MANBA: variants seen among roughly 807,000 people sequenced by gnomAD.
The protein encoded by MANBA is beta-mannosidase.
MANBA carries 83 observed loss-of-function variants against 111.1 expected under a neutral mutation model. The observed-to-expected ratio is 0.75, with a 90% CI of 0.63 to 0.90. The LOEUF is 0.90. Among genes scored for constraint, MANBA ranks in the 40% least tolerant of loss-of-function variants. The probability of loss-of-function intolerance (pLI) is 0.00; values close to 1 mark genes in which losing one functional copy is unlikely to be tolerated. For synonymous variants in MANBA, 370 were observed against 378.7 expected, an observed-to-expected ratio of 0.98 and a Z score of 0.27; for missense variants, 1,036 against 1,069.0, an observed-to-expected ratio of 0.97 and a Z score of 0.43.
chr4:102,694,899 T>C (rs1359602331), intron 5 of MANBA, among the ~76,000 whole-genome samples: 2 of 152,134 alleles, frequency 1.3e-5, no homozygotes, highest in East Asian at 1.9e-4. Flanking sequence ...GAAGAGATTA[T>C]GTTCTACAGT....
chr4:102,657,221 G>GT (rs374501863), intron 12 of MANBA, among the ~76,000 whole-genome samples: 3,795 of 97,016 alleles, frequency 0.039, 262 homozygotes, highest in African/African-American at 0.093. Flanking sequence ...GAGGAGTGGG[G>GT]TGGGGGGGGG....
intron 1 of MANBA, among the ~76,000 whole-genome samples, chr4:102,748,461 G>C (rs1723664680): frequency 6.6e-6 from 1 of 152,010 alleles, no homozygotes; most frequent in Non-Finnish European, 1.5e-5. Flanking sequence ...AATCATCTGT[G>C]GGGGGAAAAT....
chr4:102,737,453 A>T (rs1199277279), intron 1 of MANBA, among the ~76,000 whole-genome samples: 1 of 150,378 alleles, frequency 6.6e-6, no homozygotes, highest in African/African-American at 2.4e-5. Context: ...GCTTCATGGA[A>T]GATGGGTAAG....
chr4:102,714,479 T>G lies in MANBA; in HGVS notation c.632A>C (p.Asn211Thr). Residue 211 changes from asparagine to threonine, a missense_variant, in exon 5 of 17, where the codon AAT becomes ACT. Coordinates refer to ENST00000647097, the MANE Select transcript of MANBA (RefSeq NM_005908.4). The stretch of plus-strand genomic sequence containing the variant: ...TGTGAAGTAGTTCAGGTGACAAATA[T>G]TATAGGCTTCAATTCTAACATCTTT... Reference protein sequence around the residue: ...IWKDVRIEAYNICHLNYFTFS... With the variant: ...IWKDVRIEAYTICHLNYFTFS... 6.2e-7 allele frequency: 1 copy of G among 1,605,764 alleles called. No individual in the cohort carries two copies. The highest frequency in any genetic ancestry group is 8.5e-7 in the Non-Finnish European group (1 of 1,172,466).
intron 7 of MANBA, among the ~76,000 whole-genome samples, chr4:102,683,049 T>G (rs1299465790): frequency 6.6e-6 from 1 of 152,140 alleles, no homozygotes; most frequent in East Asian, 1.9e-4. Flanking sequence ...ACTTTTAAGG[T>G]CTTTAGAGAG....
intron 5 of MANBA, among the ~76,000 whole-genome samples, chr4:102,710,465 C>T (rs190010320): frequency 6.6e-6 from 1 of 151,966 alleles, no homozygotes. Flanking sequence ...GGTGAAAGAC[C>T]TCTACAAGGA....
chr4:102,636,097 G>T (rs114439796), intron 14 of MANBA, 90 bp from the exon 15 acceptor site: 11,676 of 1,156,656 alleles, frequency 0.01, 132 homozygotes, highest in African/African-American at 0.038. Flanking sequence ...GCTCATCGGG[G>T]TTCTAAGGGA....
At chr4:102,644,638 C>T (rs1730021774) in intron 13 of MANBA, among the ~76,000 whole-genome samples, 1 of 151,878 alleles carries the variant, frequency 6.6e-6, no homozygotes, top group Non-Finnish European at 1.5e-5. Context: ...CAAGGAGATG[C>T]TGGTCAATGA....
intron 1 of MANBA, chr4:102,729,508 T>C (rs1722947956): frequency 7.3e-6 from 7 of 955,312 alleles, no homozygotes; most frequent in South Asian, 2.7e-5. Flanking sequence ...CTTGAGGAAA[T>C]TGATCTCGTC....
chr4:102,726,827 C>T, intron 1 of MANBA, 144 bp from the exon 2 acceptor site: 1 of 617,544 alleles, frequency 1.6e-6, no homozygotes, highest in Non-Finnish European at 2.8e-6. Flanking sequence ...AAAGAGGGGA[C>T]AGATCGTTAA....
At chr4:102,757,372 A>G (rs1283084787) in intron 1 of MANBA, among the ~76,000 whole-genome samples, 4 of 152,172 alleles carry the variant, frequency 2.6e-5, no homozygotes, top group Non-Finnish European at 5.9e-5. Context: ...CTTTTCACAG[A>G]GAACCCAAAA....
chr4:102,652,880 G>A (rs1367463134), intron 12 of MANBA, among the ~76,000 whole-genome samples: 2 of 152,116 alleles, frequency 1.3e-5, no homozygotes, highest in African/African-American at 4.8e-5. Context: ...GGGTGACACA[G>A]CTAGACCCTC....
At chr4:102,736,745 C>G (rs1025742552) in intron 1 of MANBA, among the ~76,000 whole-genome samples, 1 of 152,170 alleles carries the variant, frequency 6.6e-6, no homozygotes, top group Non-Finnish European at 1.5e-5. Context: ...CTTGGATGAA[C>G]AGAACAGCAT....
chr4:102,709,864 A>T (rs767366471), intron 5 of MANBA, among the ~76,000 whole-genome samples: 16 of 152,210 alleles, frequency 1.1e-4, no homozygotes, highest in Admixed American at 2.6e-4. Context: ...CATTTGTACA[A>T]ATCAATAAAC....
intron 5 of MANBA, among the ~76,000 whole-genome samples, chr4:102,704,115 T>A (rs1324552922): frequency 6.6e-6 from 1 of 151,306 alleles, no homozygotes; most frequent in African/African-American, 2.4e-5. Context: ...AACCAAAAAA[T>A]TTGATCCCAA....
chr4:102,739,186 C>G (rs1723318211), intron 1 of MANBA, among the ~76,000 whole-genome samples: 1 of 152,070 alleles, frequency 6.6e-6, no homozygotes, highest in Admixed American at 6.6e-5. Flanking sequence ...TTTATGTGCA[C>G]AAACTAGGAA....
intron 5 of MANBA, among the ~76,000 whole-genome samples, chr4:102,701,592 A>C (rs1317244974): frequency 6.6e-6 from 1 of 150,968 alleles, no homozygotes; most frequent in East Asian, 1.9e-4. Flanking sequence ...TTGTCTGTAA[A>C]GGATTTTATT....
rs1339740902 is a variant in MANBA at position 102,673,905 on chromosome 4, A to G, written c.1112+14T>C. 1 of 1,602,170 alleles carries G rather than the reference A, an allele frequency of 6.2e-7. No individual in the cohort carries two copies. The highest frequency in any genetic ancestry group is 2.2e-5 in the East Asian group (1 of 44,766). The stretch of plus-strand genomic sequence containing the variant: ...AATTAAAAGAAGAACAAGAAAAGAA[A>G]GACAATAACTTACAACTCAGAGGTT... On this transcript the variant is annotated intron_variant, in intron 8 of 16. Coordinates refer to ENST00000647097, the MANE Select transcript of MANBA (RefSeq NM_005908.4).
chr4:102,681,978 C>G (rs1253811950), intron 7 of MANBA, among the ~76,000 whole-genome samples: 1 of 151,900 alleles, frequency 6.6e-6, no homozygotes, highest in African/African-American at 2.4e-5. Flanking sequence ...AAACCCCCAT[C>G]TCTACTAAAA....
Sources: allele counts gnomAD v4.1 joint callset (sites outside exome capture counted in the v4.1 genomes callset), GRCh38; gene constraint gnomAD v4.1.1; transcripts MANE v1.5; gene names NCBI Gene and HGNC (gene_info 2026-07-23, HGNC 2026-07-21).